The following ANO3 variants were observed in gnomAD, a reference collection of about 807,000 sequenced individuals.
ANO3 encodes the protein anoctamin 3, also known as anoctamin-3.
ANO3 carries 99 observed loss-of-function variants against 144.8 expected under a neutral mutation model. That is an observed-to-expected ratio of 0.68 (90% CI 0.58 to 0.81). The LOEUF (loss-of-function observed/expected upper bound fraction) is 0.81. ANO3 is among the 30% of genes least tolerant of loss of function. The pLI is 0.00. For synonymous variants in ANO3, 414 were observed against 392.6 expected (o/e 1.05, Z -0.64); for missense variants, 905 against 1,202.2 (o/e 0.75, Z 3.66).
chr11:26,436,249 G>A (rs1346699680), intron 1 of ANO3, among the ~76,000 whole-genome samples: 1 of 152,208 alleles, frequency 6.6e-6, no homozygotes, highest in Non-Finnish European at 1.5e-5. Flanking sequence ...AAGGGCTAGT[G>A]CTGTGAGAGA....
At chr11:26,255,187 A>T (rs1853028051) in intron 1 of ANO3, among the ~76,000 whole-genome samples, 2 of 152,302 alleles carry the variant, frequency 1.3e-5, no homozygotes, top group South Asian at 4.1e-4. Flanking sequence ...CAATTAGAGT[A>T]AATGTGTTTT....
intron 1 of ANO3, among the ~76,000 whole-genome samples, chr11:26,325,911 A>T (rs942545088): frequency 6.6e-6 from 1 of 152,160 alleles, no homozygotes; most frequent in African/African-American, 2.4e-5. Flanking sequence ...TACAGGTTAG[A>T]GACCTAGATC....
chr11:26,585,512 G>A (rs2131692), intron 14 of ANO3, among the ~76,000 whole-genome samples: 62,109 of 151,768 alleles, frequency 0.41, 13,587 homozygotes, highest in South Asian at 0.63. Flanking sequence ...TTGAGCCATT[G>A]TTCCTTTGCT....
At chr11:26,653,050 C>T (rs948527448) in intron 24 of ANO3, among the ~76,000 whole-genome samples, 2 of 152,178 alleles carry the variant, frequency 1.3e-5, no homozygotes, top group Admixed American at 6.5e-5. Flanking sequence ...TTGGAGTTCC[C>T]CAAGGGCTCA....
intron 1 of ANO3, among the ~76,000 whole-genome samples, chr11:26,244,116 G>GAAAAAAAAAAAAAAAAAGAAA (rs755726181): frequency 1.1e-5 from 1 of 94,692 alleles, no homozygotes. Context: ...GACTCTGTCT[G>GAAAAAAAAAAAAAAAAAGAAA]AAAAAAAAAA....
chr11:26,230,796 CCAAAAAAAAAAAAAAAAAAAAAA>C (rs1852376255), intron 1 of ANO3, among the ~76,000 whole-genome samples: 2 of 79,460 alleles, frequency 2.5e-5, no homozygotes, highest in South Asian at 4.2e-4. Flanking sequence ...GACTCCATCT[CCAAAAAAAAAAAAAAAAAAAAAA>C]AAAAAAAAAA....
intron 4 of ANO3, among the ~76,000 whole-genome samples, chr11:26,471,980 C>G (rs1447692945): frequency 6.6e-6 from 1 of 151,852 alleles, no homozygotes; most frequent in Non-Finnish European, 1.5e-5. Flanking sequence ...GATGTTAGCT[C>G]TAAAATGAGA....
At chr11:26,538,194 G>T (rs983055138) in intron 10 of ANO3, among the ~76,000 whole-genome samples, 14 of 152,122 alleles carry the variant, frequency 9.2e-5, no homozygotes, top group Admixed American at 5.2e-4. Context: ...GTTTTATATG[G>T]ATTGTCTCAT....
intron 3 of ANO3, among the ~76,000 whole-genome samples, chr11:26,456,872 A>G (rs1247909882): frequency 1.2e-4 from 17 of 142,902 alleles, no homozygotes. Flanking sequence ...TGGCACATAT[A>G]CACCATGGAA....
chr11:26,372,010 A>G (rs944974976), intron 1 of ANO3, among the ~76,000 whole-genome samples: 1 of 152,188 alleles, frequency 6.6e-6, no homozygotes, highest in Non-Finnish European at 1.5e-5. Flanking sequence ...ATGTAGGAAC[A>G]TGAGATTTGG....
intron 1 of ANO3, among the ~76,000 whole-genome samples, chr11:26,333,021 T>C (rs1472939643): frequency 6.6e-6 from 1 of 152,190 alleles, no homozygotes; most frequent in Non-Finnish European, 1.5e-5. Flanking sequence ...TAAAAGGCTT[T>C]TTACAGAGCA....
intron 1 of ANO3, among the ~76,000 whole-genome samples, chr11:26,202,449 A>G (rs948081419): frequency 2.7e-5 from 4 of 150,930 alleles, no homozygotes; most frequent in Non-Finnish European, 5.9e-5. Context: ...GTGGGAAGAC[A>G]GCCACTTAAA....
At chr11:26,659,628 T>C (rs1326582288) in intron 26 of ANO3, among the ~76,000 whole-genome samples, 2 of 152,046 alleles carry the variant, frequency 1.3e-5, no homozygotes, top group African/African-American at 4.8e-5. Flanking sequence ...GCCCAGGAGA[T>C]GGAGGCTGGA....
In ANO3 at chr11:26,563,077, A is replaced by C. The variant is rs1039464822; in HGVS notation, c.1447+3298A>C. On this transcript the variant is annotated intron_variant, in intron 14 of 26. Transcript: ENST00000256737. ...ACATTGGCATCCTCATTTAATTAAAACCACTGTGCCCAGGTGAAGTATTGA... is the reference window on the plus strand; with the variant it reads ...ACATTGGCATCCTCATTTAATTAAACCCACTGTGCCCAGGTGAAGTATTGA... 4.4e-6 allele frequency: 7 copies of C among 1,598,956 alleles called. 1 individual carries two copies. Among genetic ancestry groups the C allele is most frequent in the East Asian group, 2.2e-5 (1 of 44,684 alleles).
intron 14 of ANO3, chr11:26,565,831 T>C: frequency 6.2e-7 from 1 of 1,612,858 alleles, no homozygotes; most frequent in Non-Finnish European, 8.5e-7. Flanking sequence ...AACGTTGAAA[T>C]CAACAGAATT....
intron 3 of ANO3, among the ~76,000 whole-genome samples, chr11:26,447,885 T>C (rs1311842369): frequency 1.3e-5 from 2 of 152,192 alleles, no homozygotes; most frequent in African/African-American, 4.8e-5. Context: ...TACCATTGCC[T>C]ACGTTTTTTT....
upstream of ANO3, chr11:26,331,483 G>C (rs1855039000): frequency 1.3e-5 from 2 of 152,118 alleles, no homozygotes; most frequent in Non-Finnish European, 2.9e-5. Flanking sequence ...CTGATCTTAA[G>C]TTTCTTTTTA....
chr11:26,230,044 T>C (rs1852356378), intron 1 of ANO3, among the ~76,000 whole-genome samples: 2 of 152,196 alleles, frequency 1.3e-5, no homozygotes, highest in African/African-American at 4.8e-5. Context: ...AGGTAGGCCA[T>C]CCTGAAATGA....
intron 1 of ANO3, among the ~76,000 whole-genome samples, chr11:26,285,372 G>T (rs1241713796): frequency 6.6e-6 from 1 of 152,082 alleles, no homozygotes; most frequent in East Asian, 1.9e-4. Context: ...AGATGTCATT[G>T]TTATTAAGAT....
Sources: gnomAD v4.1 joint callset for allele counts (sites outside exome capture counted in the v4.1 genomes callset) on GRCh38, gnomAD v4.1.1 for gene constraint, MANE v1.5 for transcripts, NCBI Gene and HGNC (gene_info 2026-07-23, HGNC 2026-07-21) for gene names.